The following LRFN2 variants were observed in gnomAD, a reference collection of about 807,000 sequenced individuals.
LRFN2 encodes leucine-rich repeat and fibronectin type-III domain-containing protein 2.
In LRFN2, 18 loss-of-function variants were observed where a neutral mutation model predicts 37.3. The ratio of observed to expected loss-of-function variants is 0.48; its 90% CI spans 0.33 to 0.72. The LOEUF (loss-of-function observed/expected upper bound fraction) is 0.72, where lower values mean the gene tolerates loss of function less well. LRFN2 is among the 30% of genes least tolerant of loss of function. The pLI, the probability that LRFN2 is intolerant of heterozygous loss-of-function variation, is 0.02. For synonymous variants in LRFN2, 556 were observed against 466.6 expected, an observed-to-expected ratio of 1.19 and a Z score of -2.47; for missense variants, 1,006 against 1,060.7, an observed-to-expected ratio of 0.95 and a Z score of 0.72.
chr6:40,547,490 T>A (rs184777960), intron 1 of LRFN2, among the ~76,000 whole-genome samples: 3 of 152,274 alleles, frequency 2.0e-5, no homozygotes, highest in African/African-American at 7.2e-5. Flanking sequence ...CACCATTTAG[T>A]GTATGCGCCC....
At chr6:40,412,471 G>A (rs140015816) in intron 2 of LRFN2, among the ~76,000 whole-genome samples, 11 of 152,130 alleles carry the variant, frequency 7.2e-5, no homozygotes, top group East Asian at 1.9e-4. Context: ...CAAGTACATC[G>A]TCTGGAGGGT....
At chr6:40,525,929 C>T (rs1276661665) in intron 1 of LRFN2, among the ~76,000 whole-genome samples, 1 of 152,210 alleles carries the variant, frequency 6.6e-6, no homozygotes, top group Non-Finnish European at 1.5e-5. Context: ...CCTCAGAGGG[C>T]CAGCTACACG....
chr6:40,502,714 T>C (rs186429399), intron 1 of LRFN2, among the ~76,000 whole-genome samples: 1 of 152,220 alleles, frequency 6.6e-6, no homozygotes, highest in East Asian at 1.9e-4. Flanking sequence ...CCTCAGAGAG[T>C]TTCTGTGGGT....
chr6:40,465,929 G>C (rs889941991), intron 1 of LRFN2, among the ~76,000 whole-genome samples: 1 of 152,100 alleles, frequency 6.6e-6, no homozygotes, highest in African/African-American at 2.4e-5. Context: ...AGGTTGTGGG[G>C]GTGGAGACGG....
intron 2 of LRFN2, among the ~76,000 whole-genome samples, chr6:40,413,569 C>A (rs557822980): frequency 1.3e-5 from 2 of 152,192 alleles, no homozygotes; most frequent in African/African-American, 4.8e-5. Flanking sequence ...GGAGGCAGAG[C>A]AGCCATGGTT....
intron 2 of LRFN2, among the ~76,000 whole-genome samples, chr6:40,415,567 CT>C (rs1763076889): frequency 6.6e-6 from 1 of 152,188 alleles, no homozygotes; most frequent in South Asian, 2.1e-4. Flanking sequence ...TCCAGGAAGC[CT>C]TCCCTGGCTT....
At chr6:40,393,748 C>T (rs149227045) in intron 2 of LRFN2, among the ~76,000 whole-genome samples, 163 of 152,286 alleles carry the variant, frequency 1.1e-3, no homozygotes, top group Non-Finnish European at 1.8e-3. Context: ...ATGGCGATCC[C>T]CATCAACACT....
At position 40,391,934 on chromosome 6, in the gene LRFN2, C is replaced by G; in HGVS notation, c.*9G>C. 1 of 1,531,956 alleles carries G rather than the reference C, an allele frequency of 6.5e-7. No individual in the cohort carries two copies. The highest frequency in any genetic ancestry group is 8.8e-7 in the Non-Finnish European group (1 of 1,137,770). 94.9% of individuals were successfully genotyped at this position (1,531,956 alleles called of 1,614,324 possible). ...CTGCGCACAGGAAAGGGAGCATGCC[C>G]ACCCCCACCTAGACCGTGCTCTCCA... is the stretch of plus-strand genomic sequence containing the variant. On this transcript the variant is annotated 3_prime_UTR_variant, in exon 3 of 3. Coordinates refer to ENST00000338305, the MANE Select transcript of LRFN2 (RefSeq NM_020737.3).
At chr6:40,555,885 T>C (rs1766866151) in intron 1 of LRFN2, among the ~76,000 whole-genome samples, 1 of 152,174 alleles carries the variant, frequency 6.6e-6, no homozygotes, top group South Asian at 2.1e-4. Context: ...CCATATAATT[T>C]CTTATCTGGC....
chr6:40,435,082 G>GAGAGAGAGAGAGAGAC (rs1554134660), intron 1 of LRFN2, among the ~76,000 whole-genome samples: 1 of 135,594 alleles, frequency 7.4e-6, no homozygotes, highest in East Asian at 2.7e-4. Flanking sequence ...GAGAGAGAGA[G>GAGAGAGAGAGAGAGAC]AGAGAGAGAC....
chr6:40,538,207 G>A (rs910197780), intron 1 of LRFN2, among the ~76,000 whole-genome samples: 9 of 152,234 alleles, frequency 5.9e-5, no homozygotes, highest in African/African-American at 2.2e-4. Flanking sequence ...GGGAGGGGCA[G>A]GAAGTGAGGG....
chr6:40,417,741 C>T (rs989924764), intron 2 of LRFN2, among the ~76,000 whole-genome samples: 9 of 152,140 alleles, frequency 5.9e-5, no homozygotes, highest in Admixed American at 5.2e-4. Context: ...AAAATCATGA[C>T]AACATGCTGC....
At chr6:40,461,243 C>A (rs1306337745) in intron 1 of LRFN2, among the ~76,000 whole-genome samples, 3 of 151,568 alleles carry the variant, frequency 2.0e-5, no homozygotes, top group Non-Finnish European at 4.4e-5. Flanking sequence ...TTAGTCTCTA[C>A]AAAAAAATAA....
At chr6:40,410,611 A>G (rs926463070) in intron 2 of LRFN2, among the ~76,000 whole-genome samples, 3 of 152,248 alleles carry the variant, frequency 2.0e-5, no homozygotes, top group African/African-American at 7.2e-5. Context: ...TATATACTCA[A>G]TAAATCATTT....
chr6:40,579,781 G>A (rs768241080), intron 1 of LRFN2, among the ~76,000 whole-genome samples: 11 of 152,194 alleles, frequency 7.2e-5, no homozygotes, highest in African/African-American at 1.2e-4. Context: ...TGAGGGCTGC[G>A]TGCACACAGG....
intron 1 of LRFN2, among the ~76,000 whole-genome samples, chr6:40,512,577 G>A (rs1289443353): frequency 1.3e-5 from 2 of 152,214 alleles, no homozygotes; most frequent in African/African-American, 4.8e-5. Context: ...CCTGGCAGGA[G>A]CCACATTTTG....
intron 1 of LRFN2, among the ~76,000 whole-genome samples, chr6:40,555,151 C>T (rs6935213): frequency 0.47 from 72,098 of 151,976 alleles, 18,147 homozygotes; most frequent in African/African-American, 0.64. Flanking sequence ...GCTGGGGGCC[C>T]CTCTCCTGCT....
At chr6:40,528,831 C>A (rs930607547) in intron 1 of LRFN2, among the ~76,000 whole-genome samples, 1 of 152,210 alleles carries the variant, frequency 6.6e-6, no homozygotes, top group African/African-American at 2.4e-5. Flanking sequence ...TCTGGGCTTT[C>A]TGATCTTCAC....
intron 1 of LRFN2, among the ~76,000 whole-genome samples, chr6:40,457,318 A>G (rs2113847413): frequency 6.6e-6 from 1 of 152,200 alleles, no homozygotes; most frequent in South Asian, 2.1e-4. Context: ...TCTGGAAGAA[A>G]GCCCGTCATT....
Sources: allele counts gnomAD v4.1 joint callset (sites outside exome capture counted in the v4.1 genomes callset), GRCh38; gene constraint gnomAD v4.1.1; transcripts MANE v1.5; gene names NCBI Gene and HGNC (gene_info 2026-07-23, HGNC 2026-07-21).